Variants in CHKA observed in about 807,000 individuals in gnomAD.
CHKA encodes choline kinase alpha, also known as CHETK-alpha.
In CHKA, 34 loss-of-function variants were observed where a neutral mutation model predicts 60.1. The observed-to-expected ratio is 0.57, with a 90% CI of 0.43 to 0.75. CHKA has a LOEUF of 0.75. Among genes scored for constraint, CHKA ranks in the 30% least tolerant of loss-of-function variants. CHKA has a pLI of 0.00. For missense variants in CHKA, 563 were observed against 561.3 expected, an observed-to-expected ratio of 1.00 and a Z score of -0.03; for synonymous variants, 217 against 223.1, an observed-to-expected ratio of 0.97 and a Z score of 0.24.
intron 2 of CHKA, among the ~76,000 whole-genome samples, chr11:68,091,885 A>C (rs1857360184): frequency 6.6e-6 from 1 of 152,236 alleles, no homozygotes. Context: ...GCTAAAAACA[A>C]GGAAGAGAAA....
intron 1 of CHKA, among the ~76,000 whole-genome samples, chr11:68,112,980 G>A (rs1051950835): frequency 6.7e-6 from 1 of 150,336 alleles, no homozygotes; most frequent in Non-Finnish European, 1.5e-5. Flanking sequence ...TACTCGGGAG[G>A]CTGAGGCAGG....
At chr11:68,116,708 C>T (rs1327955237) in intron 1 of CHKA, among the ~76,000 whole-genome samples, 1 of 149,082 alleles carries the variant, frequency 6.7e-6, no homozygotes, top group Non-Finnish European at 1.5e-5. Context: ...CAGAGCAAGA[C>T]TGTCTTAAAA....
intron 11 of CHKA, among the ~76,000 whole-genome samples, chr11:68,061,295 G>C (rs1236014508): frequency 6.6e-6 from 1 of 151,612 alleles, no homozygotes; most frequent in Non-Finnish European, 1.5e-5. Context: ...TAGTAGAGAT[G>C]GGGTTTCCCC....
At chr11:68,081,315 A>G (rs900946637) in intron 3 of CHKA, 89 bp downstream of exon 3, 4 of 1,021,274 alleles carry the variant, frequency 3.9e-6, no homozygotes, top group Non-Finnish European at 6.1e-6. Context: ...CCAAGGGTAG[A>G]TAAGAGGCAC....
intron 7 of CHKA, among the ~76,000 whole-genome samples, 172 bp from the exon 8 acceptor site, chr11:68,066,688 C>T (rs1272296097): frequency 6.6e-6 from 1 of 152,214 alleles, no homozygotes; most frequent in African/African-American, 2.4e-5. Flanking sequence ...TCACGGGAGG[C>T]ATAACCCTAT....
At chr11:68,107,400 A>C (rs1426251468) in intron 1 of CHKA, among the ~76,000 whole-genome samples, 1 of 151,858 alleles carries the variant, frequency 6.6e-6, no homozygotes, top group African/African-American at 2.4e-5. Flanking sequence ...CTCTAACTTG[A>C]TTCCCAACTT....
At chr11:68,090,109 G>T (rs994687433) in intron 2 of CHKA, among the ~76,000 whole-genome samples, 3 of 152,174 alleles carry the variant, frequency 2.0e-5, no homozygotes, top group Admixed American at 2.0e-4. Flanking sequence ...GTAGTCTGTG[G>T]TTTATTTGGT....
At chr11:68,100,245 A>T (rs188204749) in intron 1 of CHKA, among the ~76,000 whole-genome samples, 1 of 152,330 alleles carries the variant, frequency 6.6e-6, no homozygotes, top group Non-Finnish European at 1.5e-5. Context: ...GAAGTTTTGA[A>T]ACCACAAACT....
rs1855928564 is a variant in CHKA, at chr11:68,054,456, G to A, written c.1315-409C>T. Among the ~76,000 whole-genome samples the A allele has an allele frequency of 2.6e-5, 4 of 152,318 alleles. No homozygotes were observed. In the South Asian group the frequency reaches 8.3e-4, roughly 32 times the overall value. ...CACAGGCGAGTCTAGAACAGAAGGG[G>A]AGAAGAGGATGCCCATCGCCTATTT... On this transcript the variant is annotated intron_variant, in intron 11 of 11. Coordinates refer to ENST00000265689, the MANE Select transcript of CHKA (RefSeq NM_001277.3).
chr11:68,053,775 G>A lies in CHKA; in HGVS notation c.*213C>T, dbSNP rs892812679. On this transcript the variant is annotated 3_prime_UTR_variant, in exon 12 of 12. Transcript: ENST00000265689. ...CTATTGCACTATATTTCTGCTTCCC[G>A]ATCTCGTTTCTGAGTCCTAGTGAAA... 6.0e-5 allele frequency: 30 copies of A among 502,960 alleles called. No homozygotes were observed. Among genetic ancestry groups the A allele is most frequent in the African/African-American group, 2.9e-4 (15 of 51,554 alleles). 31.2% of individuals were successfully genotyped at this position (502,960 alleles called of 1,614,324 possible). A position where few individuals can be genotyped will look rare whatever the true frequency, so the allele number is the denominator to read the frequency against.
Position 68,062,113 on chromosome 11 carries a change from T to C in CHKA, c.1233-79A>G, listed in dbSNP as rs368949121. 6.9e-5 allele frequency: 71 copies of C among 1,024,988 alleles called. No homozygotes were observed. The East Asian group carries it at 8.1e-4, about 12-fold the overall frequency. The allele number at this position is 1,024,988 out of a possible 1,614,324, so 63.5% of individuals were successfully genotyped here. On this transcript the variant is annotated intron_variant, in intron 10 of 11. Transcript: ENST00000265689. Reference sequence around the variant, plus strand: ...ACTGATGAAATGATTTCATGCCAGATGGACATTTTAACTTGTGTGGATGCA... The same window carrying C: ...ACTGATGAAATGATTTCATGCCAGACGGACATTTTAACTTGTGTGGATGCA...
Position 68,070,231 on chromosome 11 carries a change from T to C in CHKA, c.827A>G (p.Lys276Arg). ...CAAGGGCAGATTGTAACTGAGCAAT[T>C]TGTGGAGCTTTTTAATTCTGGATTC... is the stretch of plus-strand genomic sequence containing the variant. ...TEESRIKKLH[K>R]LLSYNLPLEL... The change falls in exon 6 of 12, where the codon AAA becomes AGA. Residue 276 changes from lysine to arginine, a missense_variant. Lys to Arg is a conservative substitution (Grantham distance 26, BLOSUM62 2). Transcript: ENST00000265689. 7 of 1,614,092 alleles carry C rather than the reference T, an allele frequency of 4.3e-6. No individual in the cohort carries two copies. Among genetic ancestry groups the C allele is most frequent in the African/African-American group, 2.7e-5 (2 of 75,024 alleles).
chr11:68,086,854 C>T (rs1013288474), intron 2 of CHKA, among the ~76,000 whole-genome samples: 50 of 152,218 alleles, frequency 3.3e-4, no homozygotes, highest in Admixed American at 2.2e-3. Context: ...GGCGCGGTGG[C>T]GGGCGCCTGT....
chr11:68,056,317 C>A (rs1282420518), intron 11 of CHKA, among the ~76,000 whole-genome samples: 2 of 152,140 alleles, frequency 1.3e-5, no homozygotes, highest in Non-Finnish European at 2.9e-5. Context: ...CTCTCTCTGA[C>A]CTTCTGCCGT....
At chr11:68,081,199 C>T (rs1048300257) in intron 3 of CHKA, among the ~76,000 whole-genome samples, 45 of 152,208 alleles carry the variant, frequency 3.0e-4, no homozygotes, top group Admixed American at 2.7e-3. Context: ...ACAGTCTACA[C>T]TCTCAGGAGG....
intron 2 of CHKA, among the ~76,000 whole-genome samples, chr11:68,082,696 A>C (rs1857023335): frequency 6.6e-6 from 1 of 152,252 alleles, no homozygotes; most frequent in African/African-American, 2.4e-5. Flanking sequence ...ATGTAATATA[A>C]AAGTAAACAA....
intron 2 of CHKA, among the ~76,000 whole-genome samples, chr11:68,084,389 TAC>T (rs1187109884): frequency 5.6e-5 from 7 of 124,960 alleles, no homozygotes; most frequent in Admixed American, 8.5e-5. Context: ...TGTATATATA[TAC>T]ACACATATAC....
Position 68,121,237 on chromosome 11 carries a change from T to G in CHKA, c.-60A>C. On this transcript the variant is annotated 5_prime_UTR_variant, in exon 1 of 12. Coordinates refer to ENST00000265689, the MANE Select transcript of CHKA (RefSeq NM_001277.3). The stretch of plus-strand genomic sequence containing the variant: ...CAGCGCGAGAGGACTAGGCTCAGAG[T>G]CCGGCCGGGCGCCCCCTCGCCGCTC... The G allele has an allele frequency of 1.9e-6, 2 of 1,074,796 alleles. No homozygotes were observed. Among genetic ancestry groups the G allele is most frequent in the Non-Finnish European group, 2.3e-6 (2 of 887,952 alleles). The allele number at this position is 1,074,796 out of a possible 1,614,324, so 66.6% of individuals were successfully genotyped here.
chr11:68,062,022 T>C lies in CHKA; in HGVS notation c.1245A>G (p.Ala415=), dbSNP rs1273373235. The change falls in exon 11 of 12, where the codon GCA becomes GCG. Residue 415 remains alanine (A), a synonymous_variant. Transcript: ENST00000265689. ...MLLEVNRFAL[A]SHFLWGLWSI... ...ACCACAGTCCCCAGAGGAAATGAGA[T>C]GCAAGGGCAAACCTGGAATGATAAA... 4 of 1,592,124 alleles carry C rather than the reference T, an allele frequency of 2.5e-6. No homozygotes were observed. Among genetic ancestry groups the C allele is most frequent in the Non-Finnish European group, 3.4e-6 (4 of 1,168,082 alleles).
Sources: allele counts gnomAD v4.1 joint callset (sites outside exome capture counted in the v4.1 genomes callset), GRCh38; gene constraint gnomAD v4.1.1; transcripts MANE v1.5; gene names NCBI Gene and HGNC (gene_info 2026-07-23, HGNC 2026-07-21).